Variants in ADCY8 observed in about 807,000 individuals in gnomAD.
ADCY8 encodes the protein adenylate cyclase 8, also known as adenylate cyclase type 8.
A neutral mutation model predicts 119.7 loss-of-function variants in ADCY8; 51 were observed. The ratio of observed to expected loss-of-function variants is 0.43; its 90% CI spans 0.34 to 0.54. The LOEUF is 0.54. ADCY8 is among the 20% of genes least tolerant of loss of function. The pLI is 0.03. For missense variants in ADCY8, 1,383 were observed against 1,598.8 expected (o/e 0.87, Z 2.30); for synonymous variants, 665 against 651.0 (o/e 1.02, Z -0.33).
At chr8:130,950,905 G>C (rs184384537) in intron 3 of ADCY8, among the ~76,000 whole-genome samples, 1 of 152,136 alleles carries the variant, frequency 6.6e-6, no homozygotes, top group Admixed American at 6.5e-5. Flanking sequence ...TCACCTTGTT[G>C]GCCAGGATGG....
chr8:130,943,229 C>T (rs897369403), intron 4 of ADCY8, 122 bp downstream of exon 4: 6 of 684,684 alleles, frequency 8.8e-6, no homozygotes, highest in Non-Finnish European at 1.3e-5. Flanking sequence ...GGGTCCATGC[C>T]TAGGGACAGG....
chr8:130,956,334 AT>A (rs1755157074), intron 2 of ADCY8, among the ~76,000 whole-genome samples: 2 of 152,144 alleles, frequency 1.3e-5, no homozygotes, highest in African/African-American at 4.8e-5. Context: ...TGGGCTATTT[AT>A]TGTGTTAAAC....
chr8:130,885,476 C>T (rs7465008), intron 7 of ADCY8, among the ~76,000 whole-genome samples: 47,917 of 151,764 alleles, frequency 0.32, 8,237 homozygotes, highest in African/African-American at 0.45. Flanking sequence ...ATAACCACCA[C>T]GGCTGGTCAC....
intron 12 of ADCY8, among the ~76,000 whole-genome samples, chr8:130,830,753 G>A (rs1816810291): frequency 1.3e-5 from 2 of 152,182 alleles, no homozygotes; most frequent in African/African-American, 4.8e-5. Flanking sequence ...CACCTACAAG[G>A]TGCTGTTAGG....
chr8:130,914,797 G>A (rs1206215973), intron 5 of ADCY8, among the ~76,000 whole-genome samples: 1 of 152,222 alleles, frequency 6.6e-6, no homozygotes, highest in Admixed American at 6.5e-5. Flanking sequence ...GATGACATCT[G>A]CATCTTCTCT....
intron 5 of ADCY8, among the ~76,000 whole-genome samples, chr8:130,914,486 TTC>T (rs1204665111): frequency 5.3e-5 from 8 of 152,244 alleles, no homozygotes; most frequent in African/African-American, 1.9e-4. Context: ...TAGCTTTTCT[TTC>T]TCTTTCATTT....
At chr8:131,019,456 C>T (rs1823583492) in intron 1 of ADCY8, among the ~76,000 whole-genome samples, 1 of 152,116 alleles carries the variant, frequency 6.6e-6, no homozygotes, top group Non-Finnish European at 1.5e-5. Flanking sequence ...TGATATGATT[C>T]CTGTTAAGCT....
chr8:130,845,103 G>A (rs1210043111), intron 11 of ADCY8, among the ~76,000 whole-genome samples: 1 of 152,098 alleles, frequency 6.6e-6, no homozygotes, highest in African/African-American at 2.4e-5. Context: ...CAATAAGGAA[G>A]GCCCTACTTT....
chr8:130,995,036 C>T (rs1822728706), intron 1 of ADCY8, among the ~76,000 whole-genome samples: 1 of 152,088 alleles, frequency 6.6e-6, no homozygotes, highest in South Asian at 2.1e-4. Flanking sequence ...TTCACACTGG[C>T]TAGGTTGTGG....
At chr8:130,980,405 C>T (rs775391601) in intron 2 of ADCY8, among the ~76,000 whole-genome samples, 3 of 152,040 alleles carry the variant, frequency 2.0e-5, no homozygotes, top group Non-Finnish European at 4.4e-5. Flanking sequence ...CTGGCTGCAG[C>T]CTGGAGAATG....
rs1338595001 is a variant in ADCY8, at chr8:131,040,390, G to T, written c.-57C>A. 6 of 1,432,188 alleles carry T rather than the reference G, an allele frequency of 4.2e-6. No individual in the cohort carries two copies. The highest frequency in any genetic ancestry group is 5.5e-6 in the Non-Finnish European group (6 of 1,099,820). 88.7% of individuals were successfully genotyped at this position (1,432,188 alleles called of 1,614,324 possible). Reference sequence around the variant, plus strand: ...CCTTGGGGAGGCAGCCGGAGGAGGGGTTCCTAAAGACTCAAAGGCGGCCTG... The same window carrying T: ...CCTTGGGGAGGCAGCCGGAGGAGGGTTTCCTAAAGACTCAAAGGCGGCCTG... On this transcript the variant is annotated 5_prime_UTR_variant, in exon 1 of 18. Transcript: ENST00000286355.
At chr8:131,008,968 G>A (rs1563765815) in intron 1 of ADCY8, among the ~76,000 whole-genome samples, 1 of 152,142 alleles carries the variant, frequency 6.6e-6, no homozygotes, top group African/African-American at 2.4e-5. Flanking sequence ...AGATGATTTA[G>A]GGTAACTAGT....
intron 14 of ADCY8, among the ~76,000 whole-genome samples, chr8:130,801,069 A>G (rs1815761555): frequency 6.6e-6 from 1 of 152,238 alleles, no homozygotes; most frequent in African/African-American, 2.4e-5. Flanking sequence ...CTGGAGGATC[A>G]TGAATATTCA....
At chr8:130,826,925 G>A (rs1290521686) in intron 12 of ADCY8, among the ~76,000 whole-genome samples, 1 of 152,004 alleles carries the variant, frequency 6.6e-6, no homozygotes, top group Non-Finnish European at 1.5e-5. Flanking sequence ...TGGGGTGGGG[G>A]GTTGGGGGAG....
intron 7 of ADCY8, among the ~76,000 whole-genome samples, chr8:130,903,529 C>CAA (rs35960116): frequency 1.6e-5 from 2 of 122,778 alleles, no homozygotes; most frequent in African/African-American, 3.3e-5. Context: ...AGCTAGGTTA[C>CAA]AAAAAAAAAA....
intron 6 of ADCY8, 27 bp from the exon 7 acceptor site, chr8:130,904,069 C>G: frequency 6.3e-7 from 1 of 1,596,900 alleles, no homozygotes; most frequent in African/African-American, 1.3e-5. Context: ...TAGGTCATTA[C>G]ACACTCCTGA....
chr8:131,039,307 GGAA>G, intron 1 of ADCY8, 64 bp downstream of exon 1: 1 of 1,570,768 alleles, frequency 6.4e-7, no homozygotes, highest in Non-Finnish European at 8.6e-7. Context: ...CTGGCTCTCT[GGAA>G]GCTATATGAT....
chr8:130,867,833 C>A lies in ADCY8; in HGVS notation c.2210+13G>T, dbSNP rs756764032. The A allele has an allele frequency of 6.3e-7, 1 of 1,577,884 alleles. No homozygotes were observed. The highest frequency in any genetic ancestry group is 8.7e-7 in the Non-Finnish European group (1 of 1,150,852). On this transcript the variant is annotated intron_variant, in intron 9 of 17. Coordinates refer to ENST00000286355, the MANE Select transcript of ADCY8 (RefSeq NM_001115.3). ...AGATATTTCACCAGATCAATTAGTT[C>A]TTTTACATTTACCTTGAAGAAGGAA...
intron 8 of ADCY8, among the ~76,000 whole-genome samples, chr8:130,878,704 A>T (rs1315724256): frequency 1.3e-5 from 2 of 152,228 alleles, no homozygotes; most frequent in East Asian, 3.8e-4. Flanking sequence ...ATGATTCTTA[A>T]GTTTGAAAAC....
Sources: allele counts gnomAD v4.1 joint callset (sites outside exome capture counted in the v4.1 genomes callset), GRCh38; gene constraint gnomAD v4.1.1; transcripts MANE v1.5; gene names NCBI Gene and HGNC (gene_info 2026-07-23, HGNC 2026-07-21).